Variants in IQCM observed in about 807,000 individuals in gnomAD.
The protein encoded by IQCM is IQ motif containing M.
Under a neutral mutation model 57.6 loss-of-function variants are expected in IQCM, and 45 were observed. The ratio of observed to expected loss-of-function variants is 0.78; its 90% CI spans 0.62 to 1.00. The LOEUF (loss-of-function observed/expected upper bound fraction) is 1.00. Among genes scored for constraint, IQCM ranks in the 50% least tolerant of loss-of-function variants. The probability of loss-of-function intolerance (pLI) is 0.00; values close to 1 mark genes in which losing one functional copy is unlikely to be tolerated. For missense variants in IQCM, 468 were observed against 511.6 expected (o/e 0.91, Z 0.82); for synonymous variants, 148 against 158.9 (o/e 0.93, Z 0.51).
intron 12 of IQCM, among the ~76,000 whole-genome samples, chr4:149,465,997 T>C (rs1248499731): frequency 6.6e-6 from 1 of 152,176 alleles, no homozygotes. Flanking sequence ...GAAATATTGT[T>C]GTGCTCACCA....
At chr4:149,720,320 T>C (rs1416206904) in intron 5 of IQCM, among the ~76,000 whole-genome samples, 1 of 152,226 alleles carries the variant, frequency 6.6e-6, no homozygotes, top group Non-Finnish European at 1.5e-5. Flanking sequence ...TTTTAATATC[T>C]TTTCTATTTA....
At chr4:149,759,181 T>C (rs1240161896) in intron 2 of IQCM, among the ~76,000 whole-genome samples, 1 of 152,172 alleles carries the variant, frequency 6.6e-6, no homozygotes, top group East Asian at 1.9e-4. Context: ...ACATACTATA[T>C]AATTTCAACT....
At chr4:149,368,968 ATATATGTGTATATATATACACGTG>A (rs1450391136) in intron 13 of IQCM, among the ~76,000 whole-genome samples, 126 of 54,898 alleles carry the variant, frequency 2.3e-3, no homozygotes, top group South Asian at 4.4e-3. Flanking sequence ...ACGTGTATAT[ATATATGTGTATATATATACACGTG>A]TATATATATA....
intron 12 of IQCM, among the ~76,000 whole-genome samples, chr4:149,495,706 G>T (rs893978068): frequency 6.6e-6 from 1 of 152,102 alleles, no homozygotes; most frequent in East Asian, 1.9e-4. Flanking sequence ...GCAGAGCAGG[G>T]TGGAGCTGCC....
intron 3 of IQCM, 65 bp downstream of exon 3, chr4:149,742,588 GAA>G: frequency 1.1e-6 from 1 of 914,452 alleles, no homozygotes; most frequent in East Asian, 3.3e-5. Flanking sequence ...CTAATTAATA[GAA>G]AAGAGTGGTT....
chr4:149,582,807 G>A (rs901219305), intron 9 of IQCM, among the ~76,000 whole-genome samples: 1 of 151,498 alleles, frequency 6.6e-6, no homozygotes, highest in African/African-American at 2.4e-5. Context: ...TGATAAGCAG[G>A]CTAACTTTCC....
chr4:149,578,600 T>C (rs1751879447), intron 9 of IQCM, among the ~76,000 whole-genome samples: 1 of 151,732 alleles, frequency 6.6e-6, no homozygotes, highest in African/African-American at 2.4e-5. Context: ...CTCTACCTAC[T>C]CCCATCCGTC....
intron 13 of IQCM, among the ~76,000 whole-genome samples, chr4:149,421,908 C>T (rs1410681417): frequency 6.6e-6 from 1 of 151,996 alleles, no homozygotes; most frequent in African/African-American, 2.4e-5. Context: ...ATAATCAAAA[C>T]AGGATTCTGG....
rs567018188 is a variant in IQCM at position 149,684,535 on chromosome 4, T to C, written c.476+1843A>G. On this transcript the variant is annotated intron_variant, in intron 6 of 13. Coordinates refer to ENST00000636793, the MANE Select transcript of IQCM (RefSeq NM_001363507.2). Reference sequence around the variant, plus strand: ...GGGAGTTTCATAAAGAGTTGGGTCATTCATACTAATTAGTCCTAGAGCCTG... The same window carrying C: ...GGGAGTTTCATAAAGAGTTGGGTCACTCATACTAATTAGTCCTAGAGCCTG... 2.0e-5 allele frequency among the ~76,000 whole-genome samples: 3 copies of C among 151,522 alleles called. No individual in the cohort carries two copies. In the South Asian group the frequency reaches 6.2e-4, roughly 31 times the overall value.
chr4:149,436,902 G>C (rs1735416553), intron 12 of IQCM, among the ~76,000 whole-genome samples: 1 of 152,066 alleles, frequency 6.6e-6, no homozygotes, highest in Admixed American at 6.6e-5. Flanking sequence ...TGAGAGCTTA[G>C]TATACAACAG....
At chr4:149,804,858 C>G (rs1357680077) in intron 2 of IQCM, among the ~76,000 whole-genome samples, 1 of 152,016 alleles carries the variant, frequency 6.6e-6, no homozygotes, top group Non-Finnish European at 1.5e-5. Flanking sequence ...TCCACGGACA[C>G]TTTCTGGATA....
intron 12 of IQCM, among the ~76,000 whole-genome samples, chr4:149,536,220 G>C (rs1029483875): frequency 1.3e-5 from 2 of 151,996 alleles, no homozygotes; most frequent in African/African-American, 4.8e-5. Context: ...ATTTACAGTA[G>C]GCAGATGATA....
At chr4:149,545,927 T>C (rs2149889113) in intron 12 of IQCM, among the ~76,000 whole-genome samples, 1 of 152,262 alleles carries the variant, frequency 6.6e-6, no homozygotes, top group Admixed American at 6.5e-5. Context: ...CGTTAACTCG[T>C]CCTTTACATT....
At chr4:149,400,954 C>A (rs1479640443) in intron 13 of IQCM, among the ~76,000 whole-genome samples, 1 of 151,782 alleles carries the variant, frequency 6.6e-6, no homozygotes, top group Non-Finnish European at 1.5e-5. Flanking sequence ...GTATACTTTG[C>A]TGTAGTACTT....
At chr4:149,545,983 G>T (rs151262267) in intron 12 of IQCM, among the ~76,000 whole-genome samples, 2,842 of 151,852 alleles carry the variant, frequency 0.019, 35 homozygotes, top group Middle Eastern at 0.027. Context: ...CCGACCCCAC[G>T]ACAGGCCCCA....
chr4:149,649,756 A>G (rs1758985551), intron 7 of IQCM, among the ~76,000 whole-genome samples: 2 of 152,172 alleles, frequency 1.3e-5, no homozygotes, highest in South Asian at 4.1e-4. Flanking sequence ...CTAAGTATTC[A>G]TCTGTCCATA....
At chr4:149,357,112 C>T (rs1421584386) in intron 13 of IQCM, among the ~76,000 whole-genome samples, 1 of 152,132 alleles carries the variant, frequency 6.6e-6, no homozygotes, top group Non-Finnish European at 1.5e-5. Flanking sequence ...TGAGACTTTG[C>T]TGAAGTTGCT....
Position 149,647,341 on chromosome 4 carries a change from A to AT in IQCM, c.566-26098dup, listed in dbSNP as rs147184747. ...TATTTCAGGTCTCCCTTCTAAGAACATTTTTTTTTTATTCTAAAGTACAGT... is the reference window on the plus strand; with the variant it reads ...TATTTCAGGTCTCCCTTCTAAGAACATTTTTTTTTTTATTCTAAAGTACAGT... On this transcript the variant is annotated intron_variant, in intron 7 of 13. Coordinates refer to ENST00000636793, the MANE Select transcript of IQCM (RefSeq NM_001363507.2). Among the ~76,000 whole-genome samples the AT allele has an allele frequency of 2.7e-3, 399 of 150,004 alleles. 1 individual carries two copies. Among genetic ancestry groups the AT allele is most frequent in the African/African-American group, 6.9e-3 (282 of 40,814 alleles).
intron 2 of IQCM, among the ~76,000 whole-genome samples, chr4:149,748,215 C>T (rs138003595): frequency 0.014 from 2,058 of 152,238 alleles, 53 homozygotes; most frequent in African/African-American, 0.047. Flanking sequence ...CCACCTTCAA[C>T]CCCAGCACTC....
Sources: gnomAD v4.1 joint callset for allele counts (sites outside exome capture counted in the v4.1 genomes callset) on GRCh38, gnomAD v4.1.1 for gene constraint, MANE v1.5 for transcripts, NCBI Gene and HGNC (gene_info 2026-07-23, HGNC 2026-07-21) for gene names.